SLC2A9: variants seen among roughly 807,000 people sequenced by gnomAD.
SLC2A9 encodes the protein solute carrier family 2, facilitated glucose transporter member 9.
SLC2A9 carries 39 observed loss-of-function variants against 50.6 expected under a neutral mutation model. That is an observed-to-expected ratio of 0.77 (90% CI 0.60 to 1.01). SLC2A9 has a LOEUF of 1.01. SLC2A9 is among the 50% of genes least tolerant of loss of function. SLC2A9 has a pLI of 0.00. For missense variants in SLC2A9, 686 were observed against 677.6 expected, an observed-to-expected ratio of 1.01 and a Z score of -0.14; for synonymous variants, 324 against 276.9, an observed-to-expected ratio of 1.17 and a Z score of -1.69.
At chr4:9,815,353 T>C (rs1220425034) in intron 3 of SLC2A9, among the ~76,000 whole-genome samples, 3 of 152,236 alleles carry the variant, frequency 2.0e-5, no homozygotes, top group Non-Finnish European at 4.4e-5. Context: ...CTTGTGCCCT[T>C]TCCTGTCATA....
rs77304661 is a variant in SLC2A9 at position 9,948,861 on chromosome 4, C to T, written c.682-6816G>A. 8.5e-3 allele frequency among the ~76,000 whole-genome samples: 1,293 copies of T among 152,330 alleles called. 6 individuals are homozygous for T. Among genetic ancestry groups the T allele is most frequent in the Middle Eastern group, 0.034 (10 of 294 alleles). ...CTCAGGGTCTCTTTTCTGGGGAACT[C>T]AACCTAAGACACATCTATGGGCCCA... On this transcript the variant is annotated intron_variant, in intron 5 of 11. Transcript: ENST00000264784.
At chr4:9,926,265 TCAGGACCAG>T (rs1343114831) in intron 6 of SLC2A9, among the ~76,000 whole-genome samples, 2 of 27,678 alleles carry the variant, frequency 7.2e-5, no homozygotes, top group African/African-American at 1.4e-4. Flanking sequence ...ACACATTGTC[TCAGGACCAG>T]TGGGTGTTCA....
intron 11 of SLC2A9, among the ~76,000 whole-genome samples, chr4:9,831,309 T>A (rs1354096122): frequency 6.6e-6 from 1 of 152,000 alleles, no homozygotes; most frequent in African/African-American, 2.4e-5. Flanking sequence ...CCTAATCCAA[T>A]ATCCTGCTAT....
At chr4:9,815,898 G>A (rs1034156902) in intron 3 of SLC2A9, among the ~76,000 whole-genome samples, 1 of 152,150 alleles carries the variant, frequency 6.6e-6, no homozygotes, top group Non-Finnish European at 1.5e-5. Flanking sequence ...GGCCGGGCAC[G>A]GTAGTTCACG....
intron 1 of SLC2A9, among the ~76,000 whole-genome samples, chr4:10,033,099 C>T (rs1178187877): frequency 1.3e-5 from 2 of 152,190 alleles, no homozygotes; most frequent in Non-Finnish European, 2.9e-5. Context: ...GGGTCTAACT[C>T]AGTTTCCTCC....
chr4:9,774,267 A>G (rs564099176), intron 1 of SLC2A9, among the ~76,000 whole-genome samples: 1 of 152,256 alleles, frequency 6.6e-6, no homozygotes, highest in East Asian at 1.9e-4. Context: ...TGCTGGGATT[A>G]AAGGCGTGAG....
At chr4:9,822,075 C>A (rs1248126892), downstream of SLC2A9, among the ~76,000 whole-genome samples, 2 of 152,102 alleles carry the variant, frequency 1.3e-5, no homozygotes, top group Non-Finnish European at 1.5e-5. Flanking sequence ...AGGGATATTG[C>A]CTCTTTCATT....
intron 7 of SLC2A9, among the ~76,000 whole-genome samples, chr4:9,915,896 T>C (rs1742767409): frequency 1.3e-5 from 2 of 152,242 alleles, no homozygotes; most frequent in South Asian, 4.1e-4. Context: ...TCTGAAATTA[T>C]AATTTGAGAC....
chr4:9,785,666 C>A (rs146546936), intron 3 of SLC2A9, among the ~76,000 whole-genome samples: 15 of 152,188 alleles, frequency 9.9e-5, no homozygotes, highest in African/African-American at 3.6e-4. Flanking sequence ...ATATCACTCA[C>A]CATTCATTAT....
downstream of SLC2A9, among the ~76,000 whole-genome samples, chr4:9,823,438 T>G (rs1425340410): frequency 7.2e-5 from 11 of 152,176 alleles, no homozygotes; most frequent in South Asian, 2.1e-4. Context: ...CAACTTTTTT[T>G]TGTGTCACAT....
chr4:9,879,876 A>G, intron 10 of SLC2A9: 2 of 985,434 alleles, frequency 2.0e-6, no homozygotes, highest in Non-Finnish European at 2.4e-6. Context: ...GGTTATGCAC[A>G]CAAATAAAAT....
chr4:9,870,314 A>G (rs560856023), intron 10 of SLC2A9, among the ~76,000 whole-genome samples: 1 of 152,232 alleles, frequency 6.6e-6, no homozygotes, highest in Non-Finnish European at 1.5e-5. Context: ...TAATTAAGTG[A>G]CAAATTCCTC....
intron 3 of SLC2A9, chr4:9,782,421 T>C (rs771111537): frequency 6.2e-7 from 1 of 1,614,016 alleles, no homozygotes; most frequent in Admixed American, 1.7e-5. Context: ...ATCCTGAACC[T>C]GTGCGTCATC....
At chr4:10,010,549 G>A (rs79893315) in intron 2 of SLC2A9, among the ~76,000 whole-genome samples, 1 of 152,264 alleles carries the variant, frequency 6.6e-6, no homozygotes, top group Non-Finnish European at 1.5e-5. Context: ...TGGCCTAAAT[G>A]GCTAGTTAGC....
intron 10 of SLC2A9, among the ~76,000 whole-genome samples, chr4:9,869,939 A>C (rs1302084816): frequency 1.3e-5 from 2 of 152,248 alleles, no homozygotes; most frequent in Non-Finnish European, 2.9e-5. Flanking sequence ...AAGGATGTTG[A>C]GAGGAGGACC....
intron 1 of SLC2A9, chr4:10,036,055 C>A: frequency 4.9e-6 from 1 of 203,898 alleles, no homozygotes; most frequent in Non-Finnish European, 9.4e-6. Context: ...AGGGACTTCT[C>A]AGCCTCCATA....
At chr4:9,892,170 G>T (rs567782518) in intron 8 of SLC2A9, among the ~76,000 whole-genome samples, 328 of 152,342 alleles carry the variant, frequency 2.2e-3, no homozygotes, top group Non-Finnish European at 4.1e-3. Flanking sequence ...GCACTGAGGG[G>T]TGAGTGACAG....
chr4:9,928,730 T>C (rs1198694360), intron 6 of SLC2A9, among the ~76,000 whole-genome samples: 2 of 152,102 alleles, frequency 1.3e-5, no homozygotes, highest in African/African-American at 4.8e-5. Context: ...CAAGACTCCT[T>C]CTCAAAAGCA....
chr4:9,870,600 C>T (rs1023292109), intron 10 of SLC2A9, among the ~76,000 whole-genome samples: 7 of 152,220 alleles, frequency 4.6e-5, no homozygotes, highest in Non-Finnish European at 7.3e-5. Context: ...AACACTGCCA[C>T]GTTTTCGCAT....
Sources: allele counts gnomAD v4.1 joint callset (sites outside exome capture counted in the v4.1 genomes callset), GRCh38; gene constraint gnomAD v4.1.1; transcripts MANE v1.5; gene names NCBI Gene and HGNC (gene_info 2026-07-23, HGNC 2026-07-21).